The following PHAF1 variants were observed in gnomAD, a reference collection of about 807,000 sequenced individuals.
The protein encoded by PHAF1 is phagosome assembly factor 1.
A neutral mutation model predicts 63.1 loss-of-function variants in PHAF1; 23 were observed. The ratio of observed to expected loss-of-function variants is 0.36; its 90% CI spans 0.26 to 0.52. PHAF1 has a LOEUF of 0.52. Ranked by LOEUF, PHAF1 falls within the 20% of genes least tolerant of loss-of-function variation. PHAF1 has a pLI of 0.93. For missense variants in PHAF1, 427 were observed against 517.2 expected, an observed-to-expected ratio of 0.83 and a Z score of 1.69; for synonymous variants, 167 against 185.0, an observed-to-expected ratio of 0.90 and a Z score of 0.79.
At chr16:67,133,518 A>C (rs1385554365) in intron 6 of PHAF1, among the ~76,000 whole-genome samples, 2 of 148,580 alleles carry the variant, frequency 1.3e-5, no homozygotes, top group East Asian at 2.0e-4. Context: ...AAAAAAAAAA[A>C]AAAACAGGCC....
chr16:67,134,307 G>T, intron 7 of PHAF1, 42 bp downstream of exon 7: 1 of 1,607,988 alleles, frequency 6.2e-7, no homozygotes, highest in Non-Finnish European at 8.5e-7. Context: ...GGCCTGGGCT[G>T]CCTGGGAGAA....
intron 8 of PHAF1, chr16:67,135,863 G>C (rs1186179363): frequency 6.6e-6 from 1 of 152,200 alleles, no homozygotes; most frequent in Non-Finnish European, 1.5e-5. Context: ...CTCCTGACTA[G>C]GCTACAGGCA....
rs866114760 is a variant in PHAF1, at chr16:67,131,189, T to G, written c.232-97T>G. ...ATTTCTATTGGTAATAGTTTTTTTT[T>G]TTTTTTTTTTTACTATTTATTCTAT... On this transcript the variant is annotated intron_variant, in intron 3 of 15. Coordinates refer to ENST00000219139, the MANE Select transcript of PHAF1 (RefSeq NM_025187.5). 128 of 504,378 alleles carry G rather than the reference T, an allele frequency of 2.5e-4. 3 individuals carry two copies. The South Asian group carries it at 4.8e-3, about 19-fold the overall frequency. The allele number at this position is 504,378 out of a possible 1,614,324, so 31.2% of individuals were successfully genotyped here.
chr16:67,146,645 G>A (rs2030109895), intron 15 of PHAF1, among the ~76,000 whole-genome samples: 3 of 152,214 alleles, frequency 2.0e-5, no homozygotes, highest in South Asian at 2.1e-4. Flanking sequence ...GCAGGGAAGG[G>A]AACCACAGGG....
In PHAF1 at chr16:67,125,990, T is replaced by C. The variant is rs1330843473; in HGVS notation, c.179T>C (p.Leu60Pro). 9.9e-6 allele frequency: 16 copies of C among 1,612,896 alleles called. No individual in the cohort carries two copies. Among genetic ancestry groups the C allele is most frequent in the Non-Finnish European group, 1.3e-5 (15 of 1,179,574 alleles). Residue 60 changes from leucine to proline, a missense_variant, in exon 3 of 16, where the codon CTG becomes CCG. Physicochemically the swap from Leu to Pro is moderately conservative, Grantham distance 98. Coordinates refer to ENST00000219139, the MANE Select transcript of PHAF1 (RefSeq NM_025187.5). ...SPLSHDLILN[L>P]TQDGIKLMFD... The stretch of plus-strand genomic sequence containing the variant: ...CTAAGCCATGACCTCATTCTTAACC[T>C]GACTCAGGACGGGATCAAACTAATG...
At chr16:67,122,018 C>T (rs1332073345) in intron 2 of PHAF1, among the ~76,000 whole-genome samples, 1 of 152,194 alleles carries the variant, frequency 6.6e-6, no homozygotes, top group African/African-American at 2.4e-5. Context: ...CCACCTCAGT[C>T]TCCTGAGTAG....
chr16:67,139,297 C>T (rs1460630914), intron 8 of PHAF1, among the ~76,000 whole-genome samples: 2 of 147,924 alleles, frequency 1.4e-5, no homozygotes, highest in African/African-American at 5.0e-5. Flanking sequence ...TTCTCCAGCA[C>T]ACATAAGCTC....
chr16:67,139,699 T>A (rs1407338771), intron 8 of PHAF1: 1 of 363,220 alleles, frequency 2.8e-6, no homozygotes, highest in Non-Finnish European at 5.0e-6. Flanking sequence ...TCTAGCACAA[T>A]GTCCTAGCCC....
chr16:67,130,240 GGTTTCACCGTGTT>G (rs1963339597), intron 3 of PHAF1, among the ~76,000 whole-genome samples: 1 of 151,800 alleles, frequency 6.6e-6, no homozygotes, highest in Non-Finnish European at 1.5e-5. Context: ...GTAGAGACAC[GGTTTCACCGTGTT>G]AGCCAGGATG....
chr16:67,145,321 G>A, intron 12 of PHAF1, 55 bp from the exon 13 acceptor site: 1 of 1,599,966 alleles, frequency 6.3e-7, no homozygotes, highest in Non-Finnish European at 8.5e-7. Flanking sequence ...CTAGGGCTGG[G>A]GCCACAGGTA....
At chr16:67,133,705 G>A (rs1386888356) in intron 6 of PHAF1, among the ~76,000 whole-genome samples, 2 of 151,646 alleles carry the variant, frequency 1.3e-5, no homozygotes, top group Non-Finnish European at 2.9e-5. Flanking sequence ...GCGTGAACCC[G>A]GGAGGCGGAG....
chr16:67,144,812 T>A, intron 11 of PHAF1, 22 bp from the exon 12 acceptor site: 1 of 1,613,828 alleles, frequency 6.2e-7, no homozygotes, highest in Non-Finnish European at 8.5e-7. Flanking sequence ...GCCCAGCCTT[T>A]ACCCATTTGC....
rs2029905356 is a variant in PHAF1 at position 67,144,862 on chromosome 16, C to CT, written c.992dup (p.Ala332SerfsTer63). 1 of 1,613,740 alleles carries CT rather than the reference C, an allele frequency of 6.2e-7. No individual in the cohort carries two copies. The highest frequency in any genetic ancestry group is 8.5e-7 in the Non-Finnish European group (1 of 1,179,946). ...TCATCGCTGTGAGTTCAAGATCCCA[C>CT]TAGCCATAAAGAAAGGTGAGTAGTG... On this transcript the variant is annotated frameshift_variant, in exon 12 of 16. Coordinates refer to ENST00000219139, the MANE Select transcript of PHAF1 (RefSeq NM_025187.5). LOFTEE classifies it high-confidence loss of function.
Position 67,110,110 on chromosome 16 carries a change from T to A in PHAF1, c.-66T>A. On this transcript the variant is annotated 5_prime_UTR_variant, in exon 1 of 16. Coordinates refer to ENST00000219139, the MANE Select transcript of PHAF1 (RefSeq NM_025187.5). ...GGGCGGCCTGTCAGCCGCTGCTTTG[T>A]CTCCTTAGCTCGGGTCCCTTCTGCG... 1 of 1,515,884 alleles carries A rather than the reference T, an allele frequency of 6.6e-7. No individual in the cohort carries two copies. Among genetic ancestry groups the A allele is most frequent in the Non-Finnish European group, 8.9e-7 (1 of 1,121,756 alleles). The allele number at this position is 1,515,884 out of a possible 1,614,324, so 93.9% of individuals were successfully genotyped here.
At chr16:67,140,140 T>G in intron 9 of PHAF1, 23 bp downstream of exon 9, 1 of 1,608,182 alleles carries the variant, frequency 6.2e-7, no homozygotes, top group Non-Finnish European at 8.5e-7. Context: ...TGTTGCAGTC[T>G]CCTCCTTTTT....
rs1187882679 is a variant in PHAF1 at position 67,147,206 on chromosome 16, C to T, written c.*75C>T. The T allele has an allele frequency of 4.9e-6, 7 of 1,425,654 alleles. No homozygotes were observed. In the East Asian group the frequency reaches 1.6e-4, roughly 33 times the overall value. 88.3% of individuals were successfully genotyped at this position (1,425,654 alleles called of 1,614,324 possible). On this transcript the variant is annotated 3_prime_UTR_variant, in exon 16 of 16. Coordinates refer to ENST00000219139, the MANE Select transcript of PHAF1 (RefSeq NM_025187.5). The stretch of plus-strand genomic sequence containing the variant: ...CTGCTCAGTGGGCCTCTGTACCACC[C>T]TGTGGGTTTTCTTGGACACCTGGCC...
chr16:67,124,560 C>T (rs1963106730), intron 2 of PHAF1, among the ~76,000 whole-genome samples: 1 of 152,190 alleles, frequency 6.6e-6, no homozygotes. Flanking sequence ...CCATCATTCA[C>T]TTTGTCTAAC....
At chr16:67,137,239 A>G (rs535514362) in intron 8 of PHAF1, among the ~76,000 whole-genome samples, 1 of 152,320 alleles carries the variant, frequency 6.6e-6, no homozygotes, top group East Asian at 1.9e-4. Flanking sequence ...CACGTTACGA[A>G]TTTCTTAAAA....
chr16:67,145,476 C>T, intron 13 of PHAF1, 57 bp downstream of exon 13: 2 of 1,612,680 alleles, frequency 1.2e-6, no homozygotes, highest in Non-Finnish European at 1.7e-6. Context: ...CATGAGCCTG[C>T]AGGCAGTATG....
Sources: gnomAD v4.1 joint callset for allele counts (sites outside exome capture counted in the v4.1 genomes callset) on GRCh38, gnomAD v4.1.1 for gene constraint, MANE v1.5 for transcripts, NCBI Gene and HGNC (gene_info 2026-07-23, HGNC 2026-07-21) for gene names.